The following ILDR2 variants were observed in gnomAD, a reference collection of about 807,000 sequenced individuals.
The protein encoded by ILDR2 is immunoglobulin-like domain-containing receptor 2.
A neutral mutation model predicts 66.8 loss-of-function variants in ILDR2; 25 were observed. The observed-to-expected ratio is 0.37, with a 90% CI of 0.27 to 0.52. The LOEUF (loss-of-function observed/expected upper bound fraction) is 0.52. ILDR2 is among the 20% of genes least tolerant of loss of function. The pLI, the probability that ILDR2 is intolerant of heterozygous loss-of-function variation, is 0.88. For missense variants in ILDR2, 827 were observed against 876.8 expected, an observed-to-expected ratio of 0.94 and a Z score of 0.72; for synonymous variants, 367 against 357.2, an observed-to-expected ratio of 1.03 and a Z score of -0.31.
rs1557935559 is a variant in ILDR2, at chr1:166,928,508, A to G, written c.881-1328T>C. Among the ~76,000 whole-genome samples the G allele has an allele frequency of 2.6e-5, 4 of 152,200 alleles. No homozygotes were observed. The South Asian group carries it at 8.3e-4, about 32-fold the overall frequency. ...TATTCCAGCTATTAAGGACTTTTCA[A>G]TGGGATGTAAGCTAGTGACCTAACT... On this transcript the variant is annotated intron_variant, in intron 6 of 9. Transcript: ENST00000271417.
chr1:166,967,784 C>T (rs1219020729), intron 1 of ILDR2, among the ~76,000 whole-genome samples: 2 of 152,054 alleles, frequency 1.3e-5, no homozygotes, highest in Non-Finnish European at 2.9e-5. Context: ...ACACATTTCT[C>T]CTCTTGTGTT....
intron 3 of ILDR2, among the ~76,000 whole-genome samples, chr1:166,947,676 C>T (rs886086497): frequency 3.3e-5 from 5 of 152,162 alleles, no homozygotes; most frequent in Admixed American, 1.3e-4. Context: ...TTTCCTCCCC[C>T]GCTCGGGCCG....
rs1052116208 is a variant in ILDR2 at position 166,917,736 on chromosome 1, G to A, written c.*1619C>T. The A allele has an allele frequency of 3.9e-5, 6 of 152,264 alleles. No homozygotes were observed. The highest frequency in any genetic ancestry group is 1.4e-4 in the African/African-American group (6 of 41,468). 9.4% of individuals were successfully genotyped at this position (152,264 alleles called of 1,614,324 possible). On this transcript the variant is annotated 3_prime_UTR_variant, in exon 10 of 10. Transcript: ENST00000271417. ...CTTCTCACGCCTCGAGTAGGAATCAGAAATTTGGGCTGGGTTCAGCTAGGC... is the reference window on the plus strand; with the variant it reads ...CTTCTCACGCCTCGAGTAGGAATCAAAAATTTGGGCTGGGTTCAGCTAGGC...
chr1:166,957,101 G>T (rs996266386), intron 2 of ILDR2, among the ~76,000 whole-genome samples: 3 of 152,232 alleles, frequency 2.0e-5, no homozygotes, highest in African/African-American at 7.2e-5. Flanking sequence ...TAGTTCTAGT[G>T]CAGTTTCAGG....
At chr1:166,958,799 T>G (rs1662437653) in intron 1 of ILDR2, among the ~76,000 whole-genome samples, 1 of 152,210 alleles carries the variant, frequency 6.6e-6, no homozygotes, top group African/African-American at 2.4e-5. Context: ...AATCTTTTGT[T>G]TGGTCTCCCT....
chr1:166,964,239 T>C (rs1474271917), intron 1 of ILDR2, among the ~76,000 whole-genome samples: 1 of 152,180 alleles, frequency 6.6e-6, no homozygotes, highest in African/African-American at 2.4e-5. Flanking sequence ...TCATCATTCT[T>C]AGACCACCAG....
intron 1 of ILDR2, among the ~76,000 whole-genome samples, chr1:166,970,479 G>A (rs1663219425): frequency 6.6e-6 from 1 of 152,156 alleles, no homozygotes. Context: ...TAGAGCTGAA[G>A]TTAACTTTAA....
At chr1:166,901,086 G>A (rs184894976) in intron 2 of ILDR2, among the ~76,000 whole-genome samples, 336 of 152,232 alleles carry the variant, frequency 2.2e-3, no homozygotes, top group African/African-American at 7.7e-3. Context: ...GGTCTCTTTG[G>A]TCACCTTCCA....
At chr1:166,901,277 G>C (rs1298164095) in intron 2 of ILDR2, among the ~76,000 whole-genome samples, 1 of 152,188 alleles carries the variant, frequency 6.6e-6, no homozygotes, top group African/African-American at 2.4e-5. Context: ...TCCTCTTGGG[G>C]GAGAACAGAT....
chr1:166,944,347 CAG>C (rs925313225), intron 3 of ILDR2, among the ~76,000 whole-genome samples: 1 of 152,182 alleles, frequency 6.6e-6, no homozygotes, highest in Non-Finnish European at 1.5e-5. Flanking sequence ...GGTGGAGACA[CAG>C]GGGACAAGAT....
Position 166,921,426 on chromosome 1 carries a change from GCTCCA to G in ILDR2, c.1212-52_1212-48del. The G allele has an allele frequency of 1.4e-6, 2 of 1,468,026 alleles. No individual in the cohort carries two copies. Among genetic ancestry groups the G allele is most frequent in the South Asian group, 2.6e-5 (2 of 75,770 alleles). The allele number at this position is 1,468,026 out of a possible 1,614,324, so 90.9% of individuals were successfully genotyped here. A position where few individuals can be genotyped will look rare whatever the true frequency, so the allele number is the denominator to read the frequency against. ...GTCAGACGGCCGGTCCCTCCCTGGA[GCTCCA>G]GGTAGGGCTCCCAAGAGCACCCATC... On this transcript the variant is annotated intron_variant, in intron 8 of 9. Transcript: ENST00000271417. The surrounding 1 kb of genome is among the most constrained non-coding windows in gnomAD (Gnocchi z 5.3).
intron 1 of ILDR2, among the ~76,000 whole-genome samples, chr1:166,959,160 AT>A (rs1199767444): frequency 2.0e-5 from 3 of 152,202 alleles, no homozygotes; most frequent in African/African-American, 7.2e-5. Flanking sequence ...AACTTTTTGC[AT>A]CTTTTAAAAC....
Position 166,921,331 on chromosome 1 carries a change from C to T in ILDR2, c.1260G>A (p.Thr420=), listed in dbSNP as rs763572476. Residue 420 remains threonine (T), a synonymous_variant, in exon 9 of 10, where the codon ACG becomes ACA. Coordinates refer to ENST00000271417, the MANE Select transcript of ILDR2 (RefSeq NM_199351.3). This position sits in a 1 kb window ranked among gnomAD's most constrained non-coding sequence, Gnocchi z 5.3. ...CGTCCATGGAAACGGCCGGCACCCC[C>T]GTGGCGAAGTTCTTCCGCGACAGCA... ...SEMLSRKNFA[T]GVPAVSMDEL... The T allele has an allele frequency of 3.2e-6, 5 of 1,585,308 alleles. No individual in the cohort carries two copies. Among genetic ancestry groups the T allele is most frequent in the Admixed American group, 3.4e-5 (2 of 58,460 alleles).
At position 166,921,460 on chromosome 1, in the gene ILDR2, TCCTGGGGCCACGCTCAGGAGACCTCGG is replaced by T; in HGVS notation, c.1212-108_1212-82del. On this transcript the variant is annotated intron_variant, in intron 8 of 9. Coordinates refer to ENST00000271417, the MANE Select transcript of ILDR2 (RefSeq NM_199351.3). The surrounding 1 kb of genome is among the most constrained non-coding windows in gnomAD (Gnocchi z 5.3). ...AGGGCTCCCAAGAGCACCCATCGTGTCCTGGGGCCACGCTCAGGAGACCTCGGCCTGAGCCTCAGCTCCGCTCCAGGC... is the reference window on the plus strand; with the variant it reads ...AGGGCTCCCAAGAGCACCCATCGTGTCCTGAGCCTCAGCTCCGCTCCAGGC... The T allele has an allele frequency of 8.2e-7, 1 of 1,221,302 alleles. No homozygotes were observed. Among genetic ancestry groups the T allele is most frequent in the Non-Finnish European group, 1.1e-6 (1 of 893,432 alleles). 75.7% of individuals were successfully genotyped at this position (1,221,302 alleles called of 1,614,324 possible).
chr1:166,910,737 G>A lies in ILDR2; in HGVS notation c.*8618C>T, dbSNP rs928137309. 2.0e-5 allele frequency: 3 copies of A among 152,222 alleles called. No homozygotes were observed. The highest frequency in any genetic ancestry group is 2.9e-5 in the Non-Finnish European group (2 of 68,034). The allele number at this position is 152,222 out of a possible 1,614,324, so 9.4% of individuals were successfully genotyped here. ...TAAGTGGTGTGATGAGTATGATTAG[G>A]ATGTCTCTGCCAAGATTTTCTAAGA... On this transcript the variant is annotated 3_prime_UTR_variant, in exon 10 of 10. Transcript: ENST00000271417.
rs1464576997 is a variant in ILDR2, at chr1:166,921,243, C to T, written c.1348G>A (p.Glu450Lys). Reference sequence around the variant, plus strand: ...TCGAAGCGGCTCCCGCCCCGCGCCTCGTGACTGTTGCCGTCTGCCCGGCGG... The same window carrying T: ...TCGAAGCGGCTCCCGCCCCGCGCCTTGTGACTGTTGCCGTCTGCCCGGCGG... The part of the protein sequence containing the change: ...RPRRADGNSH[E>K]ARGGSRFERS... The change falls in exon 9 of 10, where the codon GAG (glutamate) becomes AAG (lysine). Residue 450 changes from glutamate to lysine, a missense_variant. Around this residue, in one of 2 missense-constraint regions of ILDR2, gnomAD observed 390 missense variants for 353.6 expected, o/e 1.10. Coordinates refer to ENST00000271417, the MANE Select transcript of ILDR2 (RefSeq NM_199351.3). This position sits in a 1 kb window ranked among gnomAD's most constrained non-coding sequence, Gnocchi z 5.3. 1.9e-6 allele frequency: 3 copies of T among 1,597,910 alleles called. No homozygotes were observed. The highest frequency in any genetic ancestry group is 1.7e-5 in the Admixed American group (1 of 59,338).
chr1:166,945,484 C>T (rs1661564490), intron 3 of ILDR2, among the ~76,000 whole-genome samples: 1 of 152,216 alleles, frequency 6.6e-6, no homozygotes, highest in South Asian at 2.1e-4. Flanking sequence ...TTGTTTTCTG[C>T]CACTGCCACT....
At chr1:166,947,539 C>G (rs1216646964) in intron 3 of ILDR2, among the ~76,000 whole-genome samples, 2 of 152,344 alleles carry the variant, frequency 1.3e-5, no homozygotes, top group Middle Eastern at 3.4e-3. Context: ...TGAATAGCGG[C>G]AGCTGGCTTT....
intron 3 of ILDR2, among the ~76,000 whole-genome samples, chr1:166,944,963 G>A (rs1661528229): frequency 6.6e-6 from 1 of 152,144 alleles, no homozygotes. Context: ...GCGTGAGGAG[G>A]CACCTCACCC....
Sources: gnomAD v4.1 joint callset for allele counts (sites outside exome capture counted in the v4.1 genomes callset) on GRCh38, gnomAD v4.1.1 for gene constraint, gnomAD v4.1.1 regional missense constraint, Gnocchi (gnomAD v3.1) non-coding constraint, MANE v1.5 for transcripts, NCBI Gene and HGNC (gene_info 2026-07-23, HGNC 2026-07-21) for gene names.